CADM2: variants seen among roughly 807,000 people sequenced by gnomAD.
CADM2 encodes cell adhesion molecule 2.
In CADM2, 12 loss-of-function variants were observed where a neutral mutation model predicts 49.8. The ratio of observed to expected loss-of-function variants is 0.24; its 90% confidence interval spans 0.15 to 0.39. CADM2 has a LOEUF of 0.39. Among genes scored for constraint, CADM2 ranks in the 10% least tolerant of loss-of-function variants. The pLI is 1.00. For missense variants in CADM2, 378 were observed against 492.3 expected (o/e 0.77, Z 2.20); for synonymous variants, 214 against 175.4 (o/e 1.22, Z -1.74).
At chr3:85,706,841 A>G (rs917259321) in intron 1 of CADM2, among the ~76,000 whole-genome samples, 3 of 152,232 alleles carry the variant, frequency 2.0e-5, no homozygotes, top group African/African-American at 7.2e-5. Context: ...ATAAGAATAA[A>G]GAAAAAGGGG....
rs1221576144 is a variant in CADM2 at position 85,536,625 on chromosome 3, G to A, written c.62-189897G>A. ...TCTTTTCACTGGATTACTTAACAAG[G>A]AGGCTTTGCAGCCTTTTCACTGAGA... On this transcript the variant is annotated intron_variant, in intron 1 of 9. Coordinates refer to ENST00000383699, the MANE Select transcript of CADM2 (RefSeq NM_001167675.2). Among the ~76,000 whole-genome samples, 8 of 151,990 alleles carry A rather than the reference G, an allele frequency of 5.3e-5. No homozygotes were observed. In the South Asian group the frequency reaches 1.0e-3, roughly 20 times the overall value.
chr3:85,610,484 C>A (rs1318539387), intron 1 of CADM2, among the ~76,000 whole-genome samples: 1 of 151,826 alleles, frequency 6.6e-6, no homozygotes, highest in African/African-American at 2.4e-5. Flanking sequence ...GATCAATATT[C>A]AAAATGAATA....
intron 1 of CADM2, among the ~76,000 whole-genome samples, chr3:85,156,640 C>A (rs2040133864): frequency 1.3e-5 from 2 of 152,140 alleles, no homozygotes; most frequent in East Asian, 1.9e-4. Flanking sequence ...TCAGCAGCAT[C>A]CTTCATGCTA....
intron 1 of CADM2, among the ~76,000 whole-genome samples, chr3:85,030,461 G>C (rs933864686): frequency 6.6e-6 from 1 of 152,078 alleles, no homozygotes; most frequent in South Asian, 2.1e-4. Context: ...AACCTCAACT[G>C]TTTATTGATC....
intron 3 of CADM2, among the ~76,000 whole-genome samples, chr3:85,869,721 C>G (rs1254705148): frequency 6.6e-6 from 1 of 152,048 alleles, no homozygotes; most frequent in South Asian, 2.1e-4. Context: ...TGCAGTGGCG[C>G]GATCTCGGCT....
At chr3:85,398,661 G>A (rs915170655) in intron 1 of CADM2, among the ~76,000 whole-genome samples, 1 of 152,140 alleles carries the variant, frequency 6.6e-6, no homozygotes, top group African/African-American at 2.4e-5. Context: ...ATCCTCTCCA[G>A]CACCTGTTGT....
At chr3:85,226,204 C>T (rs1470370404) in intron 1 of CADM2, among the ~76,000 whole-genome samples, 5 of 149,990 alleles carry the variant, frequency 3.3e-5, no homozygotes, top group Non-Finnish European at 7.4e-5. Context: ...ATCAGCTCCT[C>T]TTTGTACCTC....
chr3:86,015,279 C>A (rs1420332216), intron 8 of CADM2, among the ~76,000 whole-genome samples: 1 of 152,130 alleles, frequency 6.6e-6, no homozygotes, highest in African/African-American at 2.4e-5. Flanking sequence ...CCTGTTTGAA[C>A]TCTCAGGCTT....
chr3:85,795,845 C>A (rs963128544), intron 2 of CADM2, among the ~76,000 whole-genome samples: 7 of 152,086 alleles, frequency 4.6e-5, no homozygotes, highest in African/African-American at 1.4e-4. Flanking sequence ...TACATTTAAA[C>A]AAACAGGGAT....
rs552153510 is a variant in CADM2 at position 85,173,050 on chromosome 3, G to A, written c.61+213382G>A. ...TGCTCTGTCGCCCAGGCTGGGTTGC[G>A]ATGGTGCAATCTCAGCTCACTGCAA... On this transcript the variant is annotated intron_variant, in intron 1 of 9. Transcript: ENST00000383699. Among the ~76,000 whole-genome samples, 295 of 147,882 alleles carry A rather than the reference G, an allele frequency of 2.0e-3. 1 individual carries two copies. Among genetic ancestry groups the A allele is most frequent in the African/African-American group, 6.9e-3 (277 of 40,130 alleles).
At chr3:85,634,292 A>G (rs554122077) in intron 1 of CADM2, among the ~76,000 whole-genome samples, 1 of 152,186 alleles carries the variant, frequency 6.6e-6, no homozygotes, top group East Asian at 1.9e-4. Flanking sequence ...TTCAAACGTG[A>G]ATTTCAAGGT....
At chr3:85,118,561 G>A (rs901764759) in intron 1 of CADM2, among the ~76,000 whole-genome samples, 1 of 151,952 alleles carries the variant, frequency 6.6e-6, no homozygotes, top group Admixed American at 6.6e-5. Flanking sequence ...TCACTATCAC[G>A]AGAGCAACAT....
At chr3:86,008,782 C>T (rs928785872) in intron 8 of CADM2, among the ~76,000 whole-genome samples, 1 of 151,902 alleles carries the variant, frequency 6.6e-6, no homozygotes, top group Non-Finnish European at 1.5e-5. Context: ...AGGTTATCTT[C>T]TCTCAAATTA....
intron 1 of CADM2, among the ~76,000 whole-genome samples, chr3:85,649,526 A>G (rs975997762): frequency 6.6e-6 from 1 of 152,176 alleles, no homozygotes; most frequent in African/African-American, 2.4e-5. Flanking sequence ...ACCTTCTCTA[A>G]CCCAGACAAC....
chr3:85,525,337 T>C (rs1454621505), intron 1 of CADM2, among the ~76,000 whole-genome samples: 1 of 152,176 alleles, frequency 6.6e-6, no homozygotes, highest in Non-Finnish European at 1.5e-5. Context: ...CTAGGTTATT[T>C]TCAACTAAAG....
At chr3:85,913,642 G>A (rs1717907092) in intron 6 of CADM2, among the ~76,000 whole-genome samples, 1 of 152,116 alleles carries the variant, frequency 6.6e-6, no homozygotes, top group South Asian at 2.1e-4. Context: ...TTGTCTCCAA[G>A]TGTCAAAATA....
At chr3:85,273,795 A>T (rs2106856752) in intron 1 of CADM2, among the ~76,000 whole-genome samples, 1 of 151,584 alleles carries the variant, frequency 6.6e-6, no homozygotes, top group South Asian at 2.1e-4. Context: ...TTGGAGATAC[A>T]TTTTATGAGT....
intron 1 of CADM2, among the ~76,000 whole-genome samples, chr3:85,481,597 A>C (rs1464908691): frequency 1.3e-5 from 2 of 151,584 alleles, no homozygotes; most frequent in Non-Finnish European, 3.0e-5. Flanking sequence ...AGCCATAAAC[A>C]CCGGGTGAGG....
intron 1 of CADM2, among the ~76,000 whole-genome samples, chr3:85,585,295 A>G (rs571665755): frequency 6.6e-6 from 1 of 152,080 alleles, no homozygotes; most frequent in East Asian, 1.9e-4. Context: ...TCCAAAGTGC[A>G]AAATTATTGA....
Sources: gnomAD v4.1 joint callset for allele counts (sites outside exome capture counted in the v4.1 genomes callset) on GRCh38, gnomAD v4.1.1 for gene constraint, MANE v1.5 for transcripts, NCBI Gene and HGNC (gene_info 2026-07-23, HGNC 2026-07-21) for gene names.